Variants in CREB1 observed in about 807,000 individuals in gnomAD.
CREB1 encodes the protein cyclic AMP-responsive element-binding protein 1.
In CREB1, 2 loss-of-function variants were observed where a neutral mutation model predicts 42.0. The observed-to-expected ratio is 0.05, with a 90% CI of 0.02 to 0.15. CREB1 has a LOEUF of 0.15. Among genes scored for constraint, CREB1 ranks in the 10% least tolerant of loss-of-function variants. The pLI is 1.00. For missense variants in CREB1, 199 were observed against 388.9 expected (o/e 0.51, Z 4.11); for synonymous variants, 123 against 139.9 (o/e 0.88, Z 0.85).
chr2:207,541,475 C>G (rs1376989259), intron 1 of CREB1, among the ~76,000 whole-genome samples: 4 of 151,882 alleles, frequency 2.6e-5, no homozygotes, highest in African/African-American at 7.3e-5. Context: ...GTTACATTTC[C>G]CCACAGTGTT....
At chr2:207,582,197 T>G (rs542797350) in intron 7 of CREB1, 21 of 702,924 alleles carry the variant, frequency 3.0e-5, no homozygotes, top group South Asian at 2.5e-4. Flanking sequence ...TGTGGTCATA[T>G]GTTAAAACCA....
In CREB1 at chr2:207,555,647, A is replaced by C; in HGVS notation, c.12A>C (p.Glu4Asp). 3 of 1,611,084 alleles carry C rather than the reference A, an allele frequency of 1.9e-6. No individual in the cohort carries two copies. The highest frequency in any genetic ancestry group is 2.5e-6 in the Non-Finnish European group (3 of 1,177,594). The change falls in exon 2 of 8, where the codon GAA becomes GAC. Residue 4 changes from glutamate (E) to aspartate (D), a missense_variant. Around this residue, in one of 4 missense-constraint regions of CREB1, gnomAD observed 53 missense variants for 57.1 expected, o/e 0.93. Transcript: ENST00000353267. MTM[E>D]SGAENQQSGD... Reference sequence around the variant, plus strand: ...TTATAGGTAACTAAATGACCATGGAATCTGGAGCCGAGAACCAGCAGAGTG... The same window carrying C: ...TTATAGGTAACTAAATGACCATGGACTCTGGAGCCGAGAACCAGCAGAGTG...
In CREB1 at chr2:207,554,943, C is replaced by T. The variant is rs188159290; in HGVS notation, c.-8-685C>T. Among the ~76,000 whole-genome samples, 48 of 152,204 alleles carry T rather than the reference C, an allele frequency of 3.2e-4. 1 individual carries two copies. The highest frequency in any genetic ancestry group is 1.1e-3 in the African/African-American group (46 of 41,520). ...AAATTACCTGGTATGGTGCAATGCA[C>T]GTGTATTCTCAGCTACTCCAGAGGC... is the stretch of plus-strand genomic sequence containing the variant. On this transcript the variant is annotated intron_variant, in intron 1 of 7. Transcript: ENST00000353267.
chr2:207,530,556 G>A (rs2080560843), intron 1 of CREB1, among the ~76,000 whole-genome samples: 1 of 146,010 alleles, frequency 6.8e-6, no homozygotes, highest in Admixed American at 6.8e-5. Context: ...TCGGCCCGGC[G>A]CTGCCCCCCG....
At chr2:207,589,186 T>C (rs922996977) in intron 7 of CREB1, among the ~76,000 whole-genome samples, 5 of 152,182 alleles carry the variant, frequency 3.3e-5, no homozygotes, top group East Asian at 1.9e-4. Flanking sequence ...GAGGCCTTCA[T>C]TGGATCTCAC....
chr2:207,543,531 ACT>A (rs1480126244), intron 1 of CREB1, among the ~76,000 whole-genome samples: 5 of 150,996 alleles, frequency 3.3e-5, no homozygotes, highest in African/African-American at 1.2e-4. Context: ...AGTCTTCATC[ACT>A]CTTGTAGTAC....
chr2:207,565,052 A>G (rs1013192497), intron 3 of CREB1, among the ~76,000 whole-genome samples: 2 of 148,004 alleles, frequency 1.4e-5, no homozygotes, highest in African/African-American at 5.0e-5. Context: ...TTTTTTTTTT[A>G]ACATCAGTTT....
intron 5 of CREB1, among the ~76,000 whole-genome samples, chr2:207,571,004 A>G (rs1574863020): frequency 1.7e-5 from 1 of 57,568 alleles, no homozygotes; most frequent in Non-Finnish European, 4.7e-5. Flanking sequence ...TGTGAATGGT[A>G]CTTTTTTCTC....
At chr2:207,552,124 T>G (rs535088067) in intron 1 of CREB1, among the ~76,000 whole-genome samples, 1 of 150,694 alleles carries the variant, frequency 6.6e-6, no homozygotes, top group African/African-American at 2.4e-5. Flanking sequence ...AATGAAATGA[T>G]AATAAAACAC....
intron 3 of CREB1, among the ~76,000 whole-genome samples, chr2:207,564,337 GTC>G (rs765773625): frequency 5.9e-5 from 9 of 151,840 alleles, no homozygotes; most frequent in African/African-American, 9.7e-5. Context: ...GCAAGACCCT[GTC>G]TCTACAAAAA....
rs2086701424 is a variant in CREB1 at position 207,599,548 on chromosome 2, C to T, written c.*2490C>T. On this transcript the variant is annotated 3_prime_UTR_variant, in exon 8 of 8. Coordinates refer to ENST00000353267, the MANE Select transcript of CREB1 (RefSeq NM_004379.5). ...GTTATAAAGACCTTATCCTTCATAC[C>T]TTGAGGATGATTGCACTGGTTTTGA... 1.5e-5 allele frequency: 3 copies of T among 197,298 alleles called. No homozygotes were observed. In the East Asian group the frequency reaches 2.4e-4, roughly 16 times the overall value. The allele number at this position is 197,298 out of a possible 1,614,324, so 12.2% of individuals were successfully genotyped here.
chr2:207,552,746 C>G (rs2081561910), intron 1 of CREB1, among the ~76,000 whole-genome samples: 1 of 151,848 alleles, frequency 6.6e-6, no homozygotes, highest in South Asian at 2.1e-4. Context: ...TCCCAAGTAG[C>G]TGGGATTACA....
intron 7 of CREB1, among the ~76,000 whole-genome samples, chr2:207,587,209 C>T (rs945074480): frequency 5.9e-5 from 9 of 152,074 alleles, no homozygotes; most frequent in Non-Finnish European, 1.2e-4. Flanking sequence ...CTGGCTAACA[C>T]GGTGAAACTC....
chr2:207,604,935 T>TAGTA lies in CREB1; in HGVS notation c.*7882_*7885dup, dbSNP rs1242801010. ...TTTTTATAGCTAAGTATACTTTTTATAGTAAGTATGCCATTGTAGATATAT... is the reference window on the plus strand; with the variant it reads ...TTTTTATAGCTAAGTATACTTTTTATAGTAAGTAAGTATGCCATTGTAGATATAT... On this transcript the variant is annotated 3_prime_UTR_variant, in exon 8 of 8. Transcript: ENST00000353267. Among the ~76,000 whole-genome samples, 1 of 152,240 alleles carries TAGTA rather than the reference T, an allele frequency of 6.6e-6. No homozygotes were observed. The highest frequency in any genetic ancestry group is 6.5e-5 in the Admixed American group (1 of 15,274).
intron 6 of CREB1, 75 bp from the exon 7 acceptor site, chr2:207,577,430 G>A: frequency 6.5e-7 from 1 of 1,546,508 alleles, no homozygotes; most frequent in Non-Finnish European, 8.8e-7. Flanking sequence ...TACATGCTTA[G>A]ATTGATGATT....
At chr2:207,552,413 A>G (rs974379181) in intron 1 of CREB1, among the ~76,000 whole-genome samples, 4 of 152,152 alleles carry the variant, frequency 2.6e-5, no homozygotes, top group African/African-American at 9.7e-5. Context: ...GATTGTGTTT[A>G]ATCAAATGGT....
chr2:207,530,150 G>C lies in CREB1; in HGVS notation c.-9+16G>C, dbSNP rs1428082722. ...TGTACCACCGGTAAGAGGAGCAGGA[G>C]GAGGAGGCAGGAGCCAGAGAGAGCC... On this transcript the variant is annotated intron_variant, in intron 1 of 7. Transcript: ENST00000353267. The C allele has an allele frequency of 2.0e-5, 3 of 153,350 alleles. No individual in the cohort carries two copies. The highest frequency in any genetic ancestry group is 2.9e-5 in the Non-Finnish European group (2 of 68,664). 9.5% of individuals were successfully genotyped at this position (153,350 alleles called of 1,614,324 possible).
intron 7 of CREB1, chr2:207,582,744 T>G: frequency 5.2e-6 from 1 of 190,686 alleles, no homozygotes; most frequent in Non-Finnish European, 1.1e-5. Flanking sequence ...AAAGAGAAAA[T>G]TTAGCCGGGG....
intron 1 of CREB1, among the ~76,000 whole-genome samples, chr2:207,548,890 CTTTTAT>C (rs2081396239): frequency 1.3e-5 from 2 of 152,118 alleles, no homozygotes; most frequent in African/African-American, 4.8e-5. Context: ...TTCAAGCTTG[CTTTTAT>C]TTTTGTCATA....
Sources: allele counts gnomAD v4.1 joint callset (sites outside exome capture counted in the v4.1 genomes callset), GRCh38; gene constraint gnomAD v4.1.1; regional missense constraint gnomAD v4.1.1; transcripts MANE v1.5; gene names NCBI Gene and HGNC (gene_info 2026-07-23, HGNC 2026-07-21).